Variants in CDC42BPB observed in about 807,000 individuals in gnomAD.
CDC42BPB encodes the protein serine/threonine-protein kinase MRCK beta.
Under a neutral mutation model 214.9 loss-of-function variants are expected in CDC42BPB, and 37 were observed. The ratio of observed to expected loss-of-function variants is 0.17; its 90% confidence interval spans 0.13 to 0.23. The LOEUF is 0.23. CDC42BPB is among the 10% of genes least tolerant of loss of function. The probability of loss-of-function intolerance (pLI) is 1.00; values close to 1 mark genes in which losing one functional copy is unlikely to be tolerated. For synonymous variants in CDC42BPB, 931 were observed against 884.0 expected, an observed-to-expected ratio of 1.05 and a Z score of -0.94; for missense variants, 1,694 against 2,227.0, an observed-to-expected ratio of 0.76 and a Z score of 4.82.
chr14:102,975,107 G>C (rs558113864), intron 11 of CDC42BPB, among the ~76,000 whole-genome samples: 1 of 152,192 alleles, frequency 6.6e-6, no homozygotes, highest in African/African-American at 2.4e-5. Flanking sequence ...GCAGCTCTAG[G>C]AACTGTCTGA....
chr14:102,981,072 T>G (rs765525067), intron 7 of CDC42BPB, 51 bp from the exon 8 acceptor site: 1 of 1,610,366 alleles, frequency 6.2e-7, no homozygotes, highest in Admixed American at 1.7e-5. Context: ...ATTCAGAGAG[T>G]TTAAGGTGTA....
chr14:102,992,506 A>C (rs1284934413), intron 5 of CDC42BPB, among the ~76,000 whole-genome samples: 2 of 152,216 alleles, frequency 1.3e-5, no homozygotes, highest in Non-Finnish European at 2.9e-5. Flanking sequence ...GCTGAGGAGC[A>C]GTGACTGCTG....
At chr14:102,956,109 T>C (rs1442369103) in intron 21 of CDC42BPB, 1 of 152,212 alleles carries the variant, frequency 6.6e-6, no homozygotes, top group East Asian at 1.9e-4. Context: ...TTTAGGCATG[T>C]AAAAGCCCCA....
At chr14:102,969,759 C>T (rs1247644788) in intron 14 of CDC42BPB, among the ~76,000 whole-genome samples, 2 of 152,260 alleles carry the variant, frequency 1.3e-5, no homozygotes, top group Non-Finnish European at 2.9e-5. Context: ...CAGCCTGTCT[C>T]TTCCCCAGTC....
intron 23 of CDC42BPB, chr14:102,952,871 GGGCCGAGGTGGCAT>G: frequency 3.2e-6 from 1 of 308,306 alleles, no homozygotes; most frequent in Non-Finnish European, 4.7e-6. Context: ...CTGGGCCAGA[GGGCCGAGGTGGCAT>G]GGCCAGTGCT....
intron 19 of CDC42BPB, 63 bp from the exon 20 acceptor site, chr14:102,963,218 G>T: frequency 6.4e-7 from 1 of 1,552,032 alleles, no homozygotes; most frequent in Non-Finnish European, 8.7e-7. Context: ...GCTGGTATGG[G>T]GCAGGTCAGG....
chr14:102,974,590 G>A (rs1360035167), intron 11 of CDC42BPB, among the ~76,000 whole-genome samples: 2 of 152,226 alleles, frequency 1.3e-5, no homozygotes, highest in Non-Finnish European at 2.9e-5. Flanking sequence ...ATGCAGAGAA[G>A]GTGAGATTCA....
chr14:102,997,335 G>T (rs1488205266), intron 5 of CDC42BPB, among the ~76,000 whole-genome samples: 1 of 152,046 alleles, frequency 6.6e-6, no homozygotes, highest in African/African-American at 2.4e-5. Flanking sequence ...GACACACATG[G>T]AATAAAGGCA....
chr14:102,965,002 C>T (rs1368868599), intron 18 of CDC42BPB, among the ~76,000 whole-genome samples: 3 of 151,564 alleles, frequency 2.0e-5, no homozygotes, highest in Admixed American at 1.3e-4. Context: ...CTCAGCTTAC[C>T]GCGACCTCCG....
At chr14:102,961,454 C>G (rs2139432367) in intron 20 of CDC42BPB, among the ~76,000 whole-genome samples, 1 of 152,100 alleles carries the variant, frequency 6.6e-6, no homozygotes, top group East Asian at 1.9e-4. Flanking sequence ...CCTGCCTCAG[C>G]CTCCTGAGTA....
chr14:102,951,184 G>A (rs1346784017), intron 24 of CDC42BPB, among the ~76,000 whole-genome samples: 1 of 152,180 alleles, frequency 6.6e-6, no homozygotes, highest in Admixed American at 6.5e-5. Flanking sequence ...CCCACACGTG[G>A]GAGTTTCTAC....
At chr14:103,039,037 C>A (rs574173857) in intron 1 of CDC42BPB, among the ~76,000 whole-genome samples, 3 of 151,524 alleles carry the variant, frequency 2.0e-5, no homozygotes, top group Admixed American at 6.6e-5. Context: ...GTGAAATGGA[C>A]GAATTTATAA....
At chr14:103,036,684 C>T (rs1390956337) in intron 1 of CDC42BPB, among the ~76,000 whole-genome samples, 2 of 152,154 alleles carry the variant, frequency 1.3e-5, no homozygotes, top group African/African-American at 4.8e-5. Flanking sequence ...ATGTTTTATT[C>T]TGGGAATGCA....
intron 9 of CDC42BPB, 95 bp downstream of exon 9, chr14:102,978,031 C>T: frequency 1.1e-6 from 1 of 944,834 alleles, no homozygotes; most frequent in South Asian, 1.4e-5. Context: ...GCACACACCA[C>T]CCACTAGCCC....
Position 102,977,040 on chromosome 14 carries a change from A to G in CDC42BPB, c.1221-991T>C, listed in dbSNP as rs199737798. Among the ~76,000 whole-genome samples the G allele has an allele frequency of 3.3e-5, 5 of 152,240 alleles. No individual in the cohort carries two copies. The East Asian group carries it at 9.7e-4, about 29-fold the overall frequency. On this transcript the variant is annotated intron_variant, in intron 9 of 36. Transcript: ENST00000361246. ...CCAAAAGAGATTTCTTCCAAGCTCG[A>G]GCAGAAGTATGGGGATATCAGCCGG...
At chr14:102,961,262 G>T (rs900627917) in intron 20 of CDC42BPB, among the ~76,000 whole-genome samples, 15 of 151,968 alleles carry the variant, frequency 9.9e-5, no homozygotes, top group Non-Finnish European at 1.9e-4. Context: ...GGAGTTAGGT[G>T]TATTTTCCTA....
rs144811367 is a variant in CDC42BPB, at chr14:103,052,849, T to A, written c.175+4150A>T. ...GCTAGGATTTCAAACATCAGCTCCATCCAAACGCAACATTAGCTGTTACAA... is the reference window on the plus strand; with the variant it reads ...GCTAGGATTTCAAACATCAGCTCCAACCAAACGCAACATTAGCTGTTACAA... On this transcript the variant is annotated intron_variant, in intron 1 of 36. Transcript: ENST00000361246. Among the ~76,000 whole-genome samples the A allele has an allele frequency of 1.6e-3, 251 of 152,238 alleles. 2 individuals are homozygous for A. The highest frequency in any genetic ancestry group is 5.8e-3 in the African/African-American group (242 of 41,524).
intron 8 of CDC42BPB, among the ~76,000 whole-genome samples, chr14:102,979,418 G>T (rs577387980): frequency 1.0e-3 from 155 of 152,212 alleles, no homozygotes; most frequent in Non-Finnish European, 1.7e-3. Flanking sequence ...CACCATGTTG[G>T]CTAGGCTGGT....
chr14:103,014,903 C>T (rs988319143), intron 1 of CDC42BPB, among the ~76,000 whole-genome samples: 2 of 152,110 alleles, frequency 1.3e-5, no homozygotes, highest in Admixed American at 6.5e-5. Flanking sequence ...ACAGATGAGA[C>T]GCAGGAAGCA....
Sources: gnomAD v4.1 joint callset for allele counts (sites outside exome capture counted in the v4.1 genomes callset) on GRCh38, gnomAD v4.1.1 for gene constraint, MANE v1.5 for transcripts, NCBI Gene and HGNC (gene_info 2026-07-23, HGNC 2026-07-21) for gene names.